The following SHQ1 variants were observed in gnomAD, a reference collection of about 807,000 sequenced individuals.
SHQ1 encodes protein SHQ1 homolog.
SHQ1 carries 49 observed loss-of-function variants against 53.8 expected under a neutral mutation model. That is an observed-to-expected ratio of 0.91 (90% CI 0.72 to 1.16). The LOEUF is 1.16. SHQ1 is among the 50% of genes most tolerant of loss of function. SHQ1 has a pLI of 0.00. For missense variants in SHQ1, 738 were observed against 683.1 expected (o/e 1.08, Z -0.90); for synonymous variants, 243 against 251.0 (o/e 0.97, Z 0.30).
intron 10 of SHQ1, chr3:72,773,112 A>G: frequency 1.3e-6 from 1 of 770,982 alleles, no homozygotes; most frequent in East Asian, 2.5e-5. Flanking sequence ...AACTTCGTGA[A>G]ATTGAGCTCA....
At chr3:72,845,049 T>C (rs1328283827) in intron 1 of SHQ1, among the ~76,000 whole-genome samples, 1 of 152,142 alleles carries the variant, frequency 6.6e-6, no homozygotes, top group Non-Finnish European at 1.5e-5. Flanking sequence ...AGATAAGGGA[T>C]ACTCAATGGG....
rs1324867740 is a variant in SHQ1 at position 72,812,563 on chromosome 3, ATTAC to A, written c.1060+104_1060+107del. On this transcript the variant is annotated intron_variant, in intron 9 of 10. Coordinates refer to ENST00000325599, the MANE Select transcript of SHQ1 (RefSeq NM_018130.3). ...TTAAAAGTGGTTGGATTCATTTTTC[ATTAC>A]TTATTTATATACAGTAAAAAAGCAA... 5.8e-6 allele frequency: 7 copies of A among 1,214,400 alleles called. No individual in the cohort carries two copies. The South Asian group carries it at 8.7e-5, about 15-fold the overall frequency. The allele number at this position is 1,214,400 out of a possible 1,614,324, so 75.2% of individuals were successfully genotyped here. A position where few individuals can be genotyped will look rare whatever the true frequency, so the allele number is the denominator to read the frequency against.
chr3:72,812,309 G>A (rs761863615), intron 9 of SHQ1, among the ~76,000 whole-genome samples: 3 of 152,136 alleles, frequency 2.0e-5, no homozygotes, highest in Non-Finnish European at 2.9e-5. Context: ...ACAGAGCAGG[G>A]AACTTTTCTG....
rs1285601620 is a variant in SHQ1, at chr3:72,749,410, A to G, written c.*874T>C. 2.2e-5 allele frequency: 5 copies of G among 224,120 alleles called. No homozygotes were observed. The highest frequency in any genetic ancestry group is 4.5e-5 in the Non-Finnish European group (5 of 112,308). 13.9% of individuals were successfully genotyped at this position (224,120 alleles called of 1,614,324 possible). A position where few individuals can be genotyped will look rare whatever the true frequency, so the allele number is the denominator to read the frequency against. ...CAGCAATGAAAAACATAAAAACAAA[A>G]ACTCGTGACACATGCTACCACATGG... On this transcript the variant is annotated 3_prime_UTR_variant, in exon 11 of 11. Coordinates refer to ENST00000325599, the MANE Select transcript of SHQ1 (RefSeq NM_018130.3).
chr3:72,842,241 C>A, intron 3 of SHQ1, 39 bp downstream of exon 3: 2 of 1,601,510 alleles, frequency 1.2e-6, no homozygotes, highest in Non-Finnish European at 1.7e-6. Context: ...CCAAATATTT[C>A]TATTTATCCT....
chr3:72,772,101 G>C (rs1421012593), intron 10 of SHQ1, among the ~76,000 whole-genome samples: 1 of 152,128 alleles, frequency 6.6e-6, no homozygotes, highest in African/African-American at 2.4e-5. Flanking sequence ...TCATCATCAA[G>C]AGGAGTGATG....
intron 6 of SHQ1, among the ~76,000 whole-genome samples, chr3:72,819,281 C>T (rs1447499133): frequency 6.6e-6 from 1 of 152,204 alleles, no homozygotes; most frequent in Non-Finnish European, 1.5e-5. Flanking sequence ...TGTGTTTTGT[C>T]CAGTTTTTTT....
At chr3:72,833,682 A>G (rs191373615) in intron 4 of SHQ1, among the ~76,000 whole-genome samples, 121 of 152,364 alleles carry the variant, frequency 7.9e-4, no homozygotes, top group South Asian at 1.7e-3. Flanking sequence ...AGATGCATAC[A>G]TACTGATATG....
chr3:72,767,177 G>T (rs1172902443), intron 10 of SHQ1, among the ~76,000 whole-genome samples: 1 of 152,134 alleles, frequency 6.6e-6, no homozygotes, highest in African/African-American at 2.4e-5. Flanking sequence ...TCATATGTAC[G>T]AACCCATCTG....
At chr3:72,824,197 A>G (rs911023036) in intron 6 of SHQ1, among the ~76,000 whole-genome samples, 3 of 152,240 alleles carry the variant, frequency 2.0e-5, no homozygotes, top group South Asian at 4.1e-4. Context: ...CAATGATTCT[A>G]AAGGAAACCA....
intron 9 of SHQ1, chr3:72,793,901 GC>G (rs1706521128): frequency 1.3e-5 from 2 of 152,158 alleles, no homozygotes; most frequent in African/African-American, 4.8e-5. Context: ...AAGTATTAAA[GC>G]CTTGTTCAAC....
At chr3:72,833,862 C>A (rs1043661890) in intron 4 of SHQ1, among the ~76,000 whole-genome samples, 2 of 152,210 alleles carry the variant, frequency 1.3e-5, no homozygotes, top group Non-Finnish European at 2.9e-5. Context: ...TCTCACTACT[C>A]CTGCTACCAA....
At chr3:72,782,819 G>A (rs1706108116) in intron 10 of SHQ1, among the ~76,000 whole-genome samples, 1 of 152,198 alleles carries the variant, frequency 6.6e-6, no homozygotes, top group Admixed American at 6.5e-5. Context: ...CACTTTCTAA[G>A]TATGATAACC....
intron 4 of SHQ1, among the ~76,000 whole-genome samples, chr3:72,838,803 T>C (rs1708073157): frequency 6.6e-6 from 1 of 152,206 alleles, no homozygotes; most frequent in African/African-American, 2.4e-5. Flanking sequence ...AGTGGTTTAT[T>C]TCTGATGGGA....
chr3:72,727,946 C>T, the SHQ1 span, among the ~76,000 whole-genome samples: 702 of 152,320 alleles, frequency 4.6e-3, 2 homozygotes, highest in African/African-American at 0.014. Flanking sequence ...TGAGAGTGCA[C>T]TCAGCCTGCG....
At chr3:72,771,152 G>C (rs1280126506) in intron 10 of SHQ1, among the ~76,000 whole-genome samples, 1 of 152,156 alleles carries the variant, frequency 6.6e-6, no homozygotes, top group Non-Finnish European at 1.5e-5. Context: ...TGTCTTAGGT[G>C]AAAACAGAGA....
chr3:72,812,922 G>C, intron 8 of SHQ1, 128 bp from the exon 9 acceptor site: 1 of 939,890 alleles, frequency 1.1e-6, no homozygotes, highest in Non-Finnish European at 1.6e-6. Flanking sequence ...CCAAGTAGAA[G>C]AGAAACATAA....
At chr3:72,813,001 C>G (rs537064898) in intron 8 of SHQ1, among the ~76,000 whole-genome samples, 1 of 152,266 alleles carries the variant, frequency 6.6e-6, no homozygotes, top group East Asian at 1.9e-4. Flanking sequence ...TAATTTCTCA[C>G]ACTATCAATA....
At chr3:72,784,385 C>T (rs1483385070) in intron 10 of SHQ1, among the ~76,000 whole-genome samples, 2 of 152,156 alleles carry the variant, frequency 1.3e-5, no homozygotes. Context: ...CCAGTGGGCA[C>T]TGCTGAGCTA....
Sources: gnomAD v4.1 joint callset for allele counts (sites outside exome capture counted in the v4.1 genomes callset) on GRCh38, gnomAD v4.1.1 for gene constraint, MANE v1.5 for transcripts, NCBI Gene and HGNC (gene_info 2026-07-23, HGNC 2026-07-21) for gene names.